The following FAM227B variants were observed in gnomAD, a reference collection of about 807,000 sequenced individuals.
The protein encoded by FAM227B is family with sequence similarity 227 member B.
Under a neutral mutation model 73.8 loss-of-function variants are expected in FAM227B, and 88 were observed. The observed-to-expected ratio is 1.19, with a 90% CI of 1.00 to 1.42. The LOEUF (loss-of-function observed/expected upper bound fraction) is 1.42. FAM227B is among the 40% of genes most tolerant of loss of function. The pLI, the probability that FAM227B is intolerant of heterozygous loss-of-function variation, is 0.00. For synonymous variants in FAM227B, 210 were observed against 190.5 expected, an observed-to-expected ratio of 1.10 and a Z score of -0.84; for missense variants, 632 against 590.9, an observed-to-expected ratio of 1.07 and a Z score of -0.72.
intron 13 of FAM227B, among the ~76,000 whole-genome samples, chr15:49,356,039 C>T (rs1226829003): frequency 1.3e-5 from 2 of 151,866 alleles, no homozygotes; most frequent in South Asian, 4.2e-4. Context: ...CAAGCAAATG[C>T]TGAGAGATTT....
At chr15:49,468,396 C>T (rs1168689920) in intron 11 of FAM227B, among the ~76,000 whole-genome samples, 1 of 152,088 alleles carries the variant, frequency 6.6e-6, no homozygotes, top group African/African-American at 2.4e-5. Flanking sequence ...AATTTATCTA[C>T]TTGTGTTTCT....
chr15:49,498,152 T>G (rs541687219), intron 11 of FAM227B, among the ~76,000 whole-genome samples: 1 of 152,222 alleles, frequency 6.6e-6, no homozygotes, highest in African/African-American at 2.4e-5. Context: ...AGCCTTAATT[T>G]AATTATAAGC....
intron 3 of FAM227B, among the ~76,000 whole-genome samples, chr15:49,600,384 T>G (rs989658921): frequency 6.6e-6 from 1 of 151,022 alleles, no homozygotes; most frequent in Non-Finnish European, 1.5e-5. Flanking sequence ...CCAGGCATGG[T>G]GGCTCATGCC....
intron 11 of FAM227B, among the ~76,000 whole-genome samples, chr15:49,450,673 C>G (rs933955834): frequency 6.6e-6 from 1 of 152,112 alleles, no homozygotes; most frequent in African/African-American, 2.4e-5. Flanking sequence ...ACAAAAACTT[C>G]CTTATGCCTC....
intron 10 of FAM227B, among the ~76,000 whole-genome samples, chr15:49,538,869 C>T (rs1373904327): frequency 6.6e-6 from 1 of 152,034 alleles, no homozygotes; most frequent in African/African-American, 2.4e-5. Flanking sequence ...AGTTGTCTAT[C>T]TGTGTTCTCT....
chr15:49,438,738 T>G (rs1178849543), intron 11 of FAM227B, among the ~76,000 whole-genome samples: 1 of 151,636 alleles, frequency 6.6e-6, no homozygotes, highest in Non-Finnish European at 1.5e-5. Context: ...CAGTTTTTGT[T>G]TTTGTATTTG....
intron 11 of FAM227B, among the ~76,000 whole-genome samples, chr15:49,373,271 G>A (rs1350221205): frequency 2.0e-5 from 3 of 152,004 alleles, no homozygotes; most frequent in Non-Finnish European, 2.9e-5. Flanking sequence ...TGTCTAAGCT[G>A]GGAGTAAGGC....
chr15:49,355,126 C>T (rs2042917977), intron 13 of FAM227B, among the ~76,000 whole-genome samples: 1 of 151,134 alleles, frequency 6.6e-6, no homozygotes, highest in South Asian at 2.1e-4. Flanking sequence ...TAGATAAAAC[C>T]ACAAAGATGG....
intron 1 of FAM227B, among the ~76,000 whole-genome samples, chr15:49,619,940 G>A (rs921825495): frequency 3.3e-5 from 5 of 152,056 alleles, no homozygotes; most frequent in African/African-American, 9.7e-5. Flanking sequence ...GCTCCATAAA[G>A]CAGTACTTTA....
intron 11 of FAM227B, among the ~76,000 whole-genome samples, chr15:49,494,740 G>C (rs1210003035): frequency 6.6e-6 from 1 of 152,116 alleles, no homozygotes; most frequent in Non-Finnish European, 1.5e-5. Flanking sequence ...AAAGGATACT[G>C]TTTTGTTCCC....
intron 9 of FAM227B, among the ~76,000 whole-genome samples, chr15:49,555,932 C>T (rs1370598359): frequency 6.6e-6 from 1 of 152,176 alleles, no homozygotes; most frequent in African/African-American, 2.4e-5. Context: ...TTGTCTTCTA[C>T]CACCTGTATC....
At chr15:49,408,015 A>ATAGTT (rs1213284528) in intron 11 of FAM227B, among the ~76,000 whole-genome samples, 1 of 152,104 alleles carries the variant, frequency 6.6e-6, no homozygotes, top group Non-Finnish European at 1.5e-5. Flanking sequence ...ATACCAGTAA[A>ATAGTT]TAGTTTATTT....
At chr15:49,562,825 A>G (rs1233122350) in intron 9 of FAM227B, among the ~76,000 whole-genome samples, 3 of 152,144 alleles carry the variant, frequency 2.0e-5, no homozygotes, top group Non-Finnish European at 2.9e-5. Flanking sequence ...TCCTCAAAAA[A>G]GTAGGCACTG....
chr15:49,334,297 A>G (rs2039314590), intron 14 of FAM227B: 6 of 948,908 alleles, frequency 6.3e-6, no homozygotes, highest in Non-Finnish European at 5.0e-6. Flanking sequence ...TTTTCCCTAT[A>G]AAGTTAAAGT....
intron 5 of FAM227B, among the ~76,000 whole-genome samples, chr15:49,578,295 C>G (rs1383800102): frequency 6.6e-6 from 1 of 152,142 alleles, no homozygotes; most frequent in East Asian, 1.9e-4. Flanking sequence ...AAGGGTGTCC[C>G]TTAACAGCAC....
chr15:49,598,712 A>G (rs1165002654), intron 3 of FAM227B, among the ~76,000 whole-genome samples: 1 of 152,016 alleles, frequency 6.6e-6, no homozygotes, highest in Non-Finnish European at 1.5e-5. Context: ...AGCTGATAAT[A>G]ATTTTATTCT....
At chr15:49,604,088 C>G (rs1407208935) in intron 3 of FAM227B, among the ~76,000 whole-genome samples, 1 of 152,096 alleles carries the variant, frequency 6.6e-6, no homozygotes, top group Non-Finnish European at 1.5e-5. Context: ...CCTTTTAACT[C>G]TTATAATAGA....
At chr15:49,453,377 T>C (rs1305050145) in intron 11 of FAM227B, among the ~76,000 whole-genome samples, 1 of 152,148 alleles carries the variant, frequency 6.6e-6, no homozygotes, top group African/African-American at 2.4e-5. Flanking sequence ...GTGTTGAGAT[T>C]ACAGGCATGC....
intron 11 of FAM227B, among the ~76,000 whole-genome samples, chr15:49,492,805 T>C (rs1016256474): frequency 6.6e-6 from 1 of 151,914 alleles, no homozygotes; most frequent in Admixed American, 6.6e-5. Context: ...ATAGCAAATG[T>C]GGTTTAAAAA....
Sources: allele counts gnomAD v4.1 joint callset (sites outside exome capture counted in the v4.1 genomes callset), GRCh38; gene constraint gnomAD v4.1.1; transcripts MANE v1.5; gene names NCBI Gene and HGNC (gene_info 2026-07-23, HGNC 2026-07-21).